Variants in PDZD2 observed in about 807,000 individuals in gnomAD.
PDZD2 encodes the protein PDZ domain containing 2.
Under a neutral mutation model 220.7 loss-of-function variants are expected in PDZD2, and 90 were observed. The observed-to-expected ratio is 0.41, with a 90% CI of 0.34 to 0.49. The LOEUF (loss-of-function observed/expected upper bound fraction) is 0.49, where lower values mean the gene tolerates loss of function less well. PDZD2 is among the 20% of genes least tolerant of loss of function. The pLI is 0.28. For synonymous variants in PDZD2, 1,375 were observed against 1,450.5 expected, an observed-to-expected ratio of 0.95 and a Z score of 1.18; for missense variants, 3,174 against 3,608.5, an observed-to-expected ratio of 0.88 and a Z score of 3.08.
chr5:31,658,179 C>T (rs1481855681), intron 1 of PDZD2, among the ~76,000 whole-genome samples: 5 of 152,160 alleles, frequency 3.3e-5, no homozygotes, highest in Non-Finnish European at 5.9e-5. Context: ...GACGGACAGT[C>T]TTCAGGGCCC....
At chr5:31,952,614 T>C (rs890210709) in intron 2 of PDZD2, among the ~76,000 whole-genome samples, 1 of 152,216 alleles carries the variant, frequency 6.6e-6, no homozygotes, top group Non-Finnish European at 1.5e-5. Flanking sequence ...AGACATTCTT[T>C]TAAGGACACC....
At chr5:31,743,780 G>A (rs991410679) in intron 1 of PDZD2, among the ~76,000 whole-genome samples, 2 of 151,978 alleles carry the variant, frequency 1.3e-5, no homozygotes, top group Admixed American at 1.3e-4. Flanking sequence ...GGATATTGGT[G>A]CCTCAGATAT....
chr5:32,041,065 T>C (rs1300408025), intron 7 of PDZD2, among the ~76,000 whole-genome samples: 1 of 122,170 alleles, frequency 8.2e-6, no homozygotes, highest in Non-Finnish European at 1.7e-5. Context: ...GTCTGGGAAG[T>C]GGGGAGCGCC....
rs1015978745 is a variant in PDZD2 at position 31,817,494 on chromosome 5, G to GA, written c.476+17781dup. Among the ~76,000 whole-genome samples the GA allele has an allele frequency of 5.6e-4, 80 of 142,384 alleles. 1 individual carries two copies. Among genetic ancestry groups the GA allele is most frequent in the Middle Eastern group, 7.4e-3 (2 of 272 alleles). The allele number at this position is 142,384 out of a possible 152,430, so 93.4% of individuals were successfully genotyped here. A position where few individuals can be genotyped will look rare whatever the true frequency, so the allele number is the denominator to read the frequency against. ...GGCAACAGAGCAAGACTCCATCTCA[G>GA]AAAAAAAAAAAGTAGCACCCATTTG... On this transcript the variant is annotated intron_variant, in intron 2 of 24. Transcript: ENST00000438447.
At chr5:32,020,044 C>T (rs1008798987) in intron 6 of PDZD2, among the ~76,000 whole-genome samples, 1 of 147,550 alleles carries the variant, frequency 6.8e-6, no homozygotes, top group Admixed American at 6.8e-5. Context: ...TATATATATA[C>T]ACACATATAT....
chr5:32,085,254 C>CTTT (rs145147102), intron 19 of PDZD2, among the ~76,000 whole-genome samples: 1 of 126,374 alleles, frequency 7.9e-6, no homozygotes, highest in African/African-American at 3.5e-5. Flanking sequence ...GCCCAGCTGC[C>CTTT]TTTTTTTTTT....
At chr5:31,741,192 TACACACACACAC>T (rs3032908) in intron 1 of PDZD2, among the ~76,000 whole-genome samples, 1 of 150,400 alleles carries the variant, frequency 6.6e-6, no homozygotes, top group Admixed American at 6.6e-5. Flanking sequence ...CAATAGTGTG[TACACACACACAC>T]ACACACACAC....
At position 31,928,539 on chromosome 5, in the gene PDZD2, G is replaced by A. The variant is rs371351677; in HGVS notation, c.477-54616G>A. On this transcript the variant is annotated intron_variant, in intron 2 of 24. Transcript: ENST00000438447. ...CATCCAGGCTGGAGTGCAATGGCTC[G>A]ATCTTGGCTCACTGCAACCTCCGCC... Among the ~76,000 whole-genome samples, 190 of 151,926 alleles carry A rather than the reference G, an allele frequency of 1.3e-3. 1 individual carries two copies. The highest frequency in any genetic ancestry group is 3.5e-3 in the African/African-American group (143 of 41,408).
intron 1 of PDZD2, among the ~76,000 whole-genome samples, chr5:31,750,783 C>T (rs1580683830): frequency 6.6e-6 from 1 of 152,290 alleles, no homozygotes; most frequent in South Asian, 2.1e-4. Context: ...GGGCACTTGG[C>T]AGGCGCTCAG....
At position 31,962,232 on chromosome 5, in the gene PDZD2, TCTTAA is replaced by T. The variant is rs1581167393; in HGVS notation, c.477-20919_477-20915del. ...CATTTTCCACAGATCTGCTTGTGTA[TCTTAA>T]CTTCTCTTTCCTTTAAGTCATTTCT... On this transcript the variant is annotated intron_variant, in intron 2 of 24. Coordinates refer to ENST00000438447, the MANE Select transcript of PDZD2 (RefSeq NM_178140.4). Among the ~76,000 whole-genome samples, 5 of 152,238 alleles carry T rather than the reference TCTTAA, an allele frequency of 3.3e-5. No homozygotes were observed. In the East Asian group the frequency reaches 5.8e-4, roughly 18 times the overall value.
At position 32,058,078 on chromosome 5, in the gene PDZD2, C is replaced by T. The variant is rs564969845; in HGVS notation, c.2175C>T (p.Ile725=). 40 of 1,594,600 alleles carry T rather than the reference C, an allele frequency of 2.5e-5. No homozygotes were observed. Among genetic ancestry groups the T allele is most frequent in the Middle Eastern group, 3.3e-4 (2 of 6,012 alleles). ...GRKTPGPKDR[I]VMEVTLNKEP... is the part of the protein sequence containing the mutation. ...AGACCCCTGGGCCCAAGGACAGGATCGTCATGGAAGTAACACTCAACAAAG... is the reference window on the plus strand; with the variant it reads ...AGACCCCTGGGCCCAAGGACAGGATTGTCATGGAAGTAACACTCAACAAAG... Residue 725 remains isoleucine, a synonymous_variant, in exon 12 of 25, where the codon ATC becomes ATT. Transcript: ENST00000438447.
At chr5:31,727,702 A>C (rs1389098722) in intron 1 of PDZD2, among the ~76,000 whole-genome samples, 27 of 75,056 alleles carry the variant, frequency 3.6e-4, no homozygotes, top group Admixed American at 3.1e-3. Flanking sequence ...GCTCAATCTC[A>C]AAAAAAAAAA....
In PDZD2 at chr5:31,939,519, C is replaced by A. The variant is rs149530202; in HGVS notation, c.477-43636C>A. ...GCTTTGGGTTCCCAGAAGGCTCAGGCTGGAGGGTGAGTAACCTCTTCCTCT... is the reference window on the plus strand; with the variant it reads ...GCTTTGGGTTCCCAGAAGGCTCAGGATGGAGGGTGAGTAACCTCTTCCTCT... On this transcript the variant is annotated intron_variant, in intron 2 of 24. Coordinates refer to ENST00000438447, the MANE Select transcript of PDZD2 (RefSeq NM_178140.4). Among the ~76,000 whole-genome samples, 851 of 152,286 alleles carry A rather than the reference C, an allele frequency of 5.6e-3. 5 individuals are homozygous for A. The highest frequency in any genetic ancestry group is 0.02 in the African/African-American group (811 of 41,560).
intron 1 of PDZD2, among the ~76,000 whole-genome samples, chr5:31,777,588 AG>A (rs1194013396): frequency 6.6e-6 from 1 of 152,260 alleles, no homozygotes. Context: ...CTCCTGAGTC[AG>A]GTGGGGACTT....
chr5:31,671,081 G>A (rs1304002105), intron 1 of PDZD2, among the ~76,000 whole-genome samples: 1 of 152,140 alleles, frequency 6.6e-6, no homozygotes, highest in African/African-American at 2.4e-5. Flanking sequence ...GGTGATCCAG[G>A]CAGGGTGGCT....
At chr5:31,731,569 A>G (rs571795864) in intron 1 of PDZD2, among the ~76,000 whole-genome samples, 1 of 152,324 alleles carries the variant, frequency 6.6e-6, no homozygotes, top group Admixed American at 6.5e-5. Flanking sequence ...GTGAAATAAT[A>G]CAACCTTCTG....
At chr5:31,968,248 C>T (rs556920129) in intron 2 of PDZD2, among the ~76,000 whole-genome samples, 1 of 152,282 alleles carries the variant, frequency 6.6e-6, no homozygotes, top group South Asian at 2.1e-4. Context: ...ATCCCATCTA[C>T]TCGGGTGGTT....
chr5:32,025,361 A>G (rs922687719), intron 6 of PDZD2, among the ~76,000 whole-genome samples: 1 of 151,948 alleles, frequency 6.6e-6, no homozygotes. Context: ...CCCTGTCTCT[A>G]CTAAAAATAC....
chr5:31,839,894 T>A (rs1013115049), intron 2 of PDZD2, among the ~76,000 whole-genome samples: 1 of 152,220 alleles, frequency 6.6e-6, no homozygotes, highest in Non-Finnish European at 1.5e-5. Context: ...CCTGCCATCA[T>A]GTGAAGAAGG....
Sources: gnomAD v4.1 joint callset for allele counts (sites outside exome capture counted in the v4.1 genomes callset) on GRCh38, gnomAD v4.1.1 for gene constraint, MANE v1.5 for transcripts, NCBI Gene and HGNC (gene_info 2026-07-23, HGNC 2026-07-21) for gene names.